Variants in COL21A1 observed in about 807,000 individuals in gnomAD.
The protein encoded by COL21A1 is collagen type XXI alpha 1 chain, also known as collagen alpha-1(XXI) chain.
COL21A1 carries 149 observed loss-of-function variants against 137.9 expected under a neutral mutation model. The observed-to-expected ratio is 1.08, with a 90% CI of 0.95 to 1.24. The LOEUF (loss-of-function observed/expected upper bound fraction) is 1.24, where lower values mean the gene tolerates loss of function less well. COL21A1 is among the 50% of genes most tolerant of loss of function. The pLI, the probability that COL21A1 is intolerant of heterozygous loss-of-function variation, is 0.00. For missense variants in COL21A1, 1,167 were observed against 1,158.4 expected (o/e 1.01, Z -0.11); for synonymous variants, 456 against 391.5 (o/e 1.16, Z -1.95).
chr6:56,326,020 TATACATAATATATTA>T, intron 1 of COL21A1, among the ~76,000 whole-genome samples: 2 of 2,148 alleles, frequency 9.3e-4, no homozygotes, highest in Non-Finnish European at 2.8e-3. Flanking sequence ...TGTATATGTA[TATACATAATATATTA>T]TGTATATGTA....
rs1327413717 is a variant in COL21A1, at chr6:56,158,246, GTTTTTTCTTTTTTTTTTTTCTTT to G, written c.1372-1320_1372-1298del. 5.1e-3 allele frequency among the ~76,000 whole-genome samples: 502 copies of G among 98,964 alleles called. 1 individual carries two copies. Among genetic ancestry groups the G allele is most frequent in the African/African-American group, 0.018 (463 of 25,580 alleles). 64.9% of individuals were successfully genotyped at this position (98,964 alleles called of 152,430 possible). On this transcript the variant is annotated intron_variant, in intron 9 of 29. Transcript: ENST00000244728. Reference sequence around the variant, plus strand: ...ATTTCTATTAATTCTTCACTCGTGGGTTTTTTCTTTTTTTTTTTTCTTTTTTTTTTTTTTTTTTTTTTCTGAGA... The same window carrying G: ...ATTTCTATTAATTCTTCACTCGTGGGTTTTTTTTTTTTTTTTTTTCTGAGA...
Position 56,109,671 on chromosome 6 carries a change from A to G in COL21A1, c.1759-8146T>C, listed in dbSNP as rs1464800673. ...TAAGAAATTATCATTACAAAATAAT[A>G]TCAGGAATGAAATAAAGGACATTAC... is the stretch of plus-strand genomic sequence containing the variant. On this transcript the variant is annotated intron_variant, in intron 16 of 29. Transcript: ENST00000244728. Among the ~76,000 whole-genome samples the G allele has an allele frequency of 2.0e-5, 3 of 151,990 alleles. No individual in the cohort carries two copies. The East Asian group carries it at 5.8e-4, about 29-fold the overall frequency.
intron 16 of COL21A1, 69 bp from the exon 17 acceptor site, chr6:56,101,594 A>G (rs1447451691): frequency 7.9e-6 from 8 of 1,009,344 alleles, no homozygotes; most frequent in African/African-American, 1.6e-5. Context: ...ATAACAATAT[A>G]TAACATTACA....
chr6:56,393,920 A>G (rs2094034982), intron 1 of COL21A1: 1 of 152,382 alleles, frequency 6.6e-6, no homozygotes, highest in East Asian at 1.9e-4. Context: ...AGAGCCTCAC[A>G]TGCATGCCCA....
chr6:56,328,044 A>C (rs995208295), intron 1 of COL21A1, among the ~76,000 whole-genome samples: 1 of 152,070 alleles, frequency 6.6e-6, no homozygotes, highest in African/African-American at 2.4e-5. Context: ...TGCCCATCAT[A>C]CATTTGGGAG....
chr6:56,291,413 C>A (rs1764039041), intron 1 of COL21A1, among the ~76,000 whole-genome samples: 1 of 152,238 alleles, frequency 6.6e-6, no homozygotes, highest in Non-Finnish European at 1.5e-5. Context: ...TGCTGCCAGA[C>A]TGAAGCAGCA....
intron 1 of COL21A1, among the ~76,000 whole-genome samples, chr6:56,280,142 G>T (rs1763757991): frequency 6.6e-6 from 1 of 152,092 alleles, no homozygotes; most frequent in South Asian, 2.1e-4. Context: ...TTGATTCAAT[G>T]AATATTTATT....
At chr6:56,181,788 A>AT (rs1350942871) in intron 2 of COL21A1, among the ~76,000 whole-genome samples, 1 of 152,202 alleles carries the variant, frequency 6.6e-6, no homozygotes, top group African/African-American at 2.4e-5. Flanking sequence ...AAGCTGTATG[A>AT]TGCTAGGTAA....
At chr6:56,249,623 T>C (rs144142555), upstream of COL21A1, among the ~76,000 whole-genome samples, 12 of 152,294 alleles carry the variant, frequency 7.9e-5, no homozygotes, top group African/African-American at 2.9e-4. Context: ...AAAACACTTA[T>C]TGTATGATTC....
chr6:56,178,130 T>C (rs897107497), intron 3 of COL21A1, among the ~76,000 whole-genome samples: 1 of 152,158 alleles, frequency 6.6e-6, no homozygotes, highest in Non-Finnish European at 1.5e-5. Context: ...TGAACAAACA[T>C]TTTATCAGTT....
intron 1 of COL21A1, among the ~76,000 whole-genome samples, chr6:56,220,383 G>A (rs529902238): frequency 3.3e-5 from 5 of 152,236 alleles, no homozygotes; most frequent in African/African-American, 1.2e-4. Context: ...TTGCAAAAAA[G>A]TTAGTCATCA....
intron 10 of COL21A1, among the ~76,000 whole-genome samples, chr6:56,147,452 A>G (rs6903824): frequency 0.017 from 2,618 of 152,016 alleles, 69 homozygotes; most frequent in African/African-American, 0.06. Context: ...AAATATAGGT[A>G]TATGACTGAG....
intron 9 of COL21A1, among the ~76,000 whole-genome samples, chr6:56,162,117 T>C (rs1456217704): frequency 6.8e-6 from 1 of 147,042 alleles, no homozygotes; most frequent in Admixed American, 6.6e-5. Flanking sequence ...ATTAAAACCC[T>C]ATCAACTTTC....
chr6:56,070,744 C>G lies in COL21A1; in HGVS notation c.2019+1G>C. On this transcript the variant is annotated splice_donor_variant, in intron 21 of 29. Transcript: ENST00000244728. LOFTEE classifies it high-confidence loss of function. ...AATATTTTCAAATGCATCAAAATTA[C>G]CTTGAGCCCAGAAGCCCCAGGCATC... 6.3e-7 allele frequency: 1 copy of G among 1,579,906 alleles called. No homozygotes were observed. Among genetic ancestry groups the G allele is most frequent in the Non-Finnish European group, 8.6e-7 (1 of 1,167,446 alleles).
At chr6:56,158,253 C>CTTTTTTTT (rs59381031) in intron 9 of COL21A1, among the ~76,000 whole-genome samples, 9 of 104,896 alleles carry the variant, frequency 8.6e-5, no homozygotes, top group African/African-American at 3.3e-4. Flanking sequence ...TGGGTTTTTT[C>CTTTTTTTT]TTTTTTTTTT....
At chr6:56,095,536 C>T (rs76696667) in intron 17 of COL21A1, among the ~76,000 whole-genome samples, 10,128 of 152,278 alleles carry the variant, frequency 0.067, 394 homozygotes, top group Admixed American at 0.11. Flanking sequence ...GCAAACAGCA[C>T]AGACACCTAA....
intron 1 of COL21A1, among the ~76,000 whole-genome samples, chr6:56,349,765 T>C (rs1328118196): frequency 2.6e-5 from 4 of 152,236 alleles, no homozygotes; most frequent in African/African-American, 9.6e-5. Flanking sequence ...CCTTCTGTTT[T>C]GTCATTTTAA....
At chr6:56,270,800 T>C (rs994898040) in intron 1 of COL21A1, among the ~76,000 whole-genome samples, 15 of 152,274 alleles carry the variant, frequency 9.9e-5, no homozygotes, top group African/African-American at 3.6e-4. Flanking sequence ...TCCTCCCTCA[T>C]GCTCTGTCTC....
chr6:56,176,745 T>C (rs1777501151), intron 3 of COL21A1, among the ~76,000 whole-genome samples: 1 of 151,354 alleles, frequency 6.6e-6, no homozygotes, highest in Non-Finnish European at 1.5e-5. Flanking sequence ...TGTACAACAT[T>C]GTGCTTATGA....
Sources: allele counts gnomAD v4.1 joint callset (sites outside exome capture counted in the v4.1 genomes callset), GRCh38; gene constraint gnomAD v4.1.1; transcripts MANE v1.5; gene names NCBI Gene and HGNC (gene_info 2026-07-23, HGNC 2026-07-21).